Variants in RARB observed in about 807,000 individuals in gnomAD.
RARB encodes HBV-activated protein.
A neutral mutation model predicts 51.9 loss-of-function variants in RARB; 17 were observed. That is an observed-to-expected ratio of 0.33 (90% confidence interval 0.22 to 0.49). The LOEUF (loss-of-function observed/expected upper bound fraction) is 0.49, where lower values mean the gene tolerates loss of function less well. Ranked by LOEUF, RARB falls within the 20% of genes least tolerant of loss-of-function variation. The pLI is 0.99. For missense variants in RARB, 369 were observed against 550.8 expected (o/e 0.67, Z 3.30); for synonymous variants, 215 against 195.4 (o/e 1.10, Z -0.84).
chr3:25,439,849 C>T (rs946690894), intron 1 of RARB, among the ~76,000 whole-genome samples: 3 of 152,064 alleles, frequency 2.0e-5, no homozygotes, highest in Admixed American at 6.5e-5. Flanking sequence ...TGCTAGAAGT[C>T]GTGTAGTGGG....
chr3:25,141,626 C>T (rs1322104710), intron 4 of RARB, among the ~76,000 whole-genome samples: 1 of 152,158 alleles, frequency 6.6e-6, no homozygotes, highest in Middle Eastern at 3.2e-3. Flanking sequence ...TCCTTGCCAC[C>T]ATTTTCCAAT....
At chr3:25,207,171 A>T (rs1011921772) in intron 5 of RARB, among the ~76,000 whole-genome samples, 1 of 152,208 alleles carries the variant, frequency 6.6e-6, no homozygotes, top group African/African-American at 2.4e-5. Context: ...TTTGCTCCTT[A>T]TTCAGGGCAG....
intron 2 of RARB, among the ~76,000 whole-genome samples, chr3:25,039,656 C>A (rs1698073035): frequency 6.6e-6 from 1 of 152,112 alleles, no homozygotes; most frequent in Non-Finnish European, 1.5e-5. Flanking sequence ...AAGTTGAGAT[C>A]TAAAGGACAA....
intron 5 of RARB, among the ~76,000 whole-genome samples, chr3:25,406,360 A>G (rs1048806203): frequency 2.0e-5 from 3 of 152,210 alleles, no homozygotes; most frequent in African/African-American, 4.8e-5. Flanking sequence ...AAAATTCCAC[A>G]GACTGGGCGG....
At chr3:25,270,898 C>T (rs1038900532) in intron 5 of RARB, among the ~76,000 whole-genome samples, 1 of 152,216 alleles carries the variant, frequency 6.6e-6, no homozygotes, top group Non-Finnish European at 1.5e-5. Flanking sequence ...TCGCCCCAAT[C>T]TAATATTACT....
intron 3 of RARB, among the ~76,000 whole-genome samples, chr3:25,082,020 C>G (rs1001447040): frequency 9.9e-5 from 15 of 152,034 alleles, no homozygotes; most frequent in African/African-American, 3.1e-4. Flanking sequence ...TTTATGATTG[C>G]TATCTCTGCT....
At chr3:25,260,384 A>G (rs1171642533) in intron 5 of RARB, among the ~76,000 whole-genome samples, 2 of 152,150 alleles carry the variant, frequency 1.3e-5, no homozygotes, top group Non-Finnish European at 2.9e-5. Flanking sequence ...TTAGCCTACC[A>G]TGCATACAAA....
intron 2 of RARB, among the ~76,000 whole-genome samples, chr3:25,495,942 G>A (rs1433919535): frequency 6.6e-6 from 1 of 152,184 alleles, no homozygotes; most frequent in Non-Finnish European, 1.5e-5. Flanking sequence ...TATAACAAAA[G>A]ACATAGTCAA....
intron 2 of RARB, among the ~76,000 whole-genome samples, chr3:24,909,961 C>A (rs1413565996): frequency 6.6e-6 from 1 of 152,114 alleles, no homozygotes; most frequent in Admixed American, 6.6e-5. Flanking sequence ...TTTCCCAAAA[C>A]ATTTATGCCG....
At chr3:25,533,420 G>A (rs1340544827) in intron 3 of RARB, among the ~76,000 whole-genome samples, 1 of 152,154 alleles carries the variant, frequency 6.6e-6, no homozygotes, top group Admixed American at 6.6e-5. Context: ...GTCATTAGTT[G>A]CCTGGATAGT....
At chr3:25,413,449 C>G (rs1370252707) in intron 5 of RARB, among the ~76,000 whole-genome samples, 1 of 151,976 alleles carries the variant, frequency 6.6e-6, no homozygotes, top group Non-Finnish European at 1.5e-5. Context: ...TTTGTATATG[C>G]CTTTTACATG....
chr3:24,995,765 A>G (rs1697008058), intron 2 of RARB, among the ~76,000 whole-genome samples: 3 of 152,088 alleles, frequency 2.0e-5, no homozygotes, highest in Admixed American at 2.0e-4. Flanking sequence ...AATGGCATTA[A>G]TTGACTTGTG....
At chr3:24,880,610 A>G (rs1482601423) in intron 2 of RARB, among the ~76,000 whole-genome samples, 2 of 152,098 alleles carry the variant, frequency 1.3e-5, no homozygotes, top group Admixed American at 1.3e-4. Flanking sequence ...GTTCCCTAAA[A>G]TCCTAGAAGG....
Position 25,428,693 on chromosome 3 carries a change from G to A in RARB, c.-39G>A, listed in dbSNP as rs188573235. ...TATGCCATTTGCCTCCACACCTAGAGGATAAGCACTTTTGCAGACATTCAG... is the reference window on the plus strand; with the variant it reads ...TATGCCATTTGCCTCCACACCTAGAAGATAAGCACTTTTGCAGACATTCAG... On this transcript the variant is annotated 5_prime_UTR_variant, in exon 1 of 8. Coordinates refer to ENST00000330688, the MANE Select transcript of RARB (RefSeq NM_000965.5). The A allele has an allele frequency of 2.5e-3, 4,013 of 1,583,914 alleles. 6 individuals are homozygous for A. Among genetic ancestry groups the A allele is most frequent in the Middle Eastern group, 0.019 (109 of 5,850 alleles).
chr3:24,860,626 G>T (rs1057263311), intron 2 of RARB, among the ~76,000 whole-genome samples: 1 of 151,650 alleles, frequency 6.6e-6, no homozygotes, highest in Non-Finnish European at 1.5e-5. Context: ...GCTGATTGAA[G>T]AAAAAAACCC....
chr3:25,446,797 C>T (rs575299571), intron 1 of RARB, among the ~76,000 whole-genome samples: 12 of 98,816 alleles, frequency 1.2e-4, no homozygotes, highest in East Asian at 4.9e-4. Flanking sequence ...AGCCAGACTC[C>T]GTCTCAAAAA....
At chr3:24,839,488 C>A (rs540176851) in intron 1 of RARB, among the ~76,000 whole-genome samples, 31 of 151,338 alleles carry the variant, frequency 2.0e-4, no homozygotes, top group African/African-American at 7.3e-4. Flanking sequence ...CTGCTTGAAC[C>A]CAGGAGTTCG....
intron 2 of RARB, among the ~76,000 whole-genome samples, chr3:24,925,719 T>C (rs1695307216): frequency 6.7e-6 from 1 of 149,790 alleles, no homozygotes; most frequent in Non-Finnish European, 1.5e-5. Context: ...CTTTTTGAAA[T>C]GCGGCAAGCT....
At chr3:24,889,388 T>C (rs560519349) in intron 2 of RARB, among the ~76,000 whole-genome samples, 1 of 152,312 alleles carries the variant, frequency 6.6e-6, no homozygotes, top group East Asian at 1.9e-4. Flanking sequence ...AAAAATGATG[T>C]GTTTGCAACC....
Sources: allele counts gnomAD v4.1 joint callset (sites outside exome capture counted in the v4.1 genomes callset), GRCh38; gene constraint gnomAD v4.1.1; transcripts MANE v1.5; gene names NCBI Gene and HGNC (gene_info 2026-07-23, HGNC 2026-07-21).